Variants in CNTNAP2 observed in about 807,000 individuals in gnomAD.
CNTNAP2 encodes contactin associated protein 2, also known as contactin-associated protein-like 2.
CNTNAP2 carries 98 observed loss-of-function variants against 155.2 expected under a neutral mutation model. The observed-to-expected ratio is 0.63, with a 90% CI of 0.54 to 0.75. CNTNAP2 has a LOEUF of 0.75. Ranked by LOEUF, CNTNAP2 falls within the 30% of genes least tolerant of loss-of-function variation. CNTNAP2 has a pLI of 0.00. For missense variants in CNTNAP2, 1,727 were observed against 1,688.1 expected (o/e 1.02, Z -0.40); for synonymous variants, 651 against 631.2 (o/e 1.03, Z -0.47).
At chr7:147,337,489 G>A (rs1036349232) in intron 9 of CNTNAP2, among the ~76,000 whole-genome samples, 1 of 152,104 alleles carries the variant, frequency 6.6e-6, no homozygotes, top group Non-Finnish European at 1.5e-5. Flanking sequence ...AGTGAGAAAG[G>A]GGCCATATGG....
chr7:147,677,973 T>G (rs947004942), intron 13 of CNTNAP2, among the ~76,000 whole-genome samples: 14 of 151,826 alleles, frequency 9.2e-5, no homozygotes, highest in African/African-American at 3.1e-4. Flanking sequence ...TTTGTTCTTT[T>G]TGCTCAATAT....
intron 1 of CNTNAP2, among the ~76,000 whole-genome samples, chr7:146,547,739 G>C (rs1408275394): frequency 6.6e-6 from 1 of 151,784 alleles, no homozygotes; most frequent in Non-Finnish European, 1.5e-5. Context: ...TCATACCTTG[G>C]GTATTGGGAA....
intron 13 of CNTNAP2, among the ~76,000 whole-genome samples, chr7:147,683,445 G>A (rs933462437): frequency 3.4e-4 from 51 of 151,646 alleles, no homozygotes; most frequent in Admixed American, 3.4e-3. Context: ...CACACTTAGT[G>A]AAAATATATA....
intron 3 of CNTNAP2, among the ~76,000 whole-genome samples, chr7:146,900,471 C>A (rs999751830): frequency 6.6e-6 from 1 of 152,188 alleles, no homozygotes; most frequent in African/African-American, 2.4e-5. Context: ...TTCACCCCAT[C>A]CCCAACTGTT....
intron 15 of CNTNAP2, among the ~76,000 whole-genome samples, chr7:148,074,320 G>A (rs993693313): frequency 3.3e-5 from 5 of 152,084 alleles, no homozygotes; most frequent in South Asian, 2.1e-4. Flanking sequence ...ATTAATATTC[G>A]ATGAAAGGAC....
chr7:146,301,167 A>G (rs1201078580), intron 1 of CNTNAP2, among the ~76,000 whole-genome samples: 1 of 152,186 alleles, frequency 6.6e-6, no homozygotes, highest in African/African-American at 2.4e-5. Context: ...ATTTAGGGAT[A>G]GTTGTGGTAA....
At chr7:147,449,418 G>A (rs1200747457) in intron 10 of CNTNAP2, among the ~76,000 whole-genome samples, 1 of 152,050 alleles carries the variant, frequency 6.6e-6, no homozygotes, top group Non-Finnish European at 1.5e-5. Context: ...TACAACCAAC[G>A]TGTCTTTGCC....
intron 21 of CNTNAP2, among the ~76,000 whole-genome samples, chr7:148,322,202 C>T (rs1383010644): frequency 6.6e-6 from 1 of 152,162 alleles, no homozygotes. Context: ...GTATTATAGG[C>T]GTGAGCCACC....
intron 12 of CNTNAP2, among the ~76,000 whole-genome samples, chr7:147,590,423 T>G (rs1427580605): frequency 6.6e-6 from 1 of 152,100 alleles, no homozygotes; most frequent in Middle Eastern, 3.2e-3. Context: ...GATCTGATGG[T>G]CTTTATAAGG....
intron 11 of CNTNAP2, among the ~76,000 whole-genome samples, chr7:147,557,949 T>A (rs35051688): frequency 0.46 from 70,182 of 151,962 alleles, 16,361 homozygotes; most frequent in East Asian, 0.61. Flanking sequence ...GGAGATATGA[T>A]CTAAAATTTC....
chr7:147,282,479 G>A (rs1805064350), intron 8 of CNTNAP2, among the ~76,000 whole-genome samples: 1 of 151,810 alleles, frequency 6.6e-6, no homozygotes, highest in African/African-American at 2.4e-5. Context: ...ACAGTGGTGA[G>A]ATTTCAAGAG....
At chr7:147,585,609 G>A (rs1443459604) in intron 12 of CNTNAP2, among the ~76,000 whole-genome samples, 1 of 111,856 alleles carries the variant, frequency 8.9e-6, no homozygotes, top group Non-Finnish European at 1.8e-5. Flanking sequence ...ATAAATAGTA[G>A]GCAAAGGTAA....
At chr7:146,870,806 A>C (rs532949856) in intron 3 of CNTNAP2, among the ~76,000 whole-genome samples, 2 of 152,280 alleles carry the variant, frequency 1.3e-5, no homozygotes, top group East Asian at 3.9e-4. Flanking sequence ...TAAGCAATTA[A>C]ATATTCTTCT....
chr7:148,096,280 TGTG>T (rs1803968750), intron 15 of CNTNAP2, among the ~76,000 whole-genome samples: 1 of 39,286 alleles, frequency 2.5e-5, no homozygotes, highest in Non-Finnish European at 4.2e-5. Flanking sequence ...CATGCATGCA[TGTG>T]TGTGTGTGTG....
intron 3 of CNTNAP2, among the ~76,000 whole-genome samples, chr7:146,896,939 T>A (rs1451525436): frequency 6.6e-6 from 1 of 152,090 alleles, no homozygotes; most frequent in East Asian, 1.9e-4. Flanking sequence ...AATTAAGGAT[T>A]TAGATAAAGA....
At chr7:146,224,789 C>T (rs746432720) in intron 1 of CNTNAP2, among the ~76,000 whole-genome samples, 69 of 152,130 alleles carry the variant, frequency 4.5e-4, no homozygotes, top group Non-Finnish European at 4.1e-4. Flanking sequence ...AAACAAACAA[C>T]AGCAACAAAA....
At chr7:146,755,796 T>C (rs1032489137) in intron 1 of CNTNAP2, among the ~76,000 whole-genome samples, 1 of 152,006 alleles carries the variant, frequency 6.6e-6, no homozygotes, top group African/African-American at 2.4e-5. Context: ...CAGTGCTATT[T>C]ATAGGACACT....
chr7:147,751,170 A>T (rs1584937311), intron 13 of CNTNAP2, among the ~76,000 whole-genome samples: 1 of 151,856 alleles, frequency 6.6e-6, no homozygotes, highest in African/African-American at 2.4e-5. Context: ...GATCTCCCAG[A>T]TCCTGTCTTT....
At chr7:147,316,980 G>C (rs112241949) in intron 9 of CNTNAP2, among the ~76,000 whole-genome samples, 1 of 152,198 alleles carries the variant, frequency 6.6e-6, no homozygotes, top group Admixed American at 6.5e-5. Context: ...TTCCATATCA[G>C]TGAATGTGCC....
Sources: allele counts gnomAD v4.1 joint callset (sites outside exome capture counted in the v4.1 genomes callset), GRCh38; gene constraint gnomAD v4.1.1; transcripts MANE v1.5; gene names NCBI Gene and HGNC (gene_info 2026-07-23, HGNC 2026-07-21).